The following TP63 variants were observed in gnomAD, a reference collection of about 807,000 sequenced individuals.
TP63 encodes the protein tumor protein 63.
In TP63, 17 loss-of-function variants were observed where a neutral mutation model predicts 82.8. That is an observed-to-expected ratio of 0.21 (90% CI 0.14 to 0.31). The LOEUF (loss-of-function observed/expected upper bound fraction) is 0.31. Ranked by LOEUF, TP63 falls within the 10% of genes least tolerant of loss-of-function variation. The pLI, the probability that TP63 is intolerant of heterozygous loss-of-function variation, is 1.00. For synonymous variants in TP63, 330 were observed against 321.7 expected, an observed-to-expected ratio of 1.03 and a Z score of -0.28; for missense variants, 648 against 895.3, an observed-to-expected ratio of 0.72 and a Z score of 3.52.
intron 1 of TP63, among the ~76,000 whole-genome samples, chr3:189,660,678 T>C (rs1168534886): frequency 6.6e-6 from 1 of 152,150 alleles, no homozygotes; most frequent in Non-Finnish European, 1.5e-5. Flanking sequence ...ACAATATTGA[T>C]TCTTCCAATC....
intron 11 of TP63, 79 bp from the exon 12 acceptor site, chr3:189,889,261 A>C: frequency 6.2e-7 from 1 of 1,606,564 alleles, no homozygotes; most frequent in Non-Finnish European, 8.5e-7. Flanking sequence ...GATAAAATTT[A>C]ACCAGACAAG....
At chr3:189,672,650 GAGGAAGGAAGGAAAGAAGGAAGGA>G (rs1234874141) in intron 1 of TP63, among the ~76,000 whole-genome samples, 54 of 103,148 alleles carry the variant, frequency 5.2e-4, no homozygotes, top group African/African-American at 1.9e-3. Context: ...GGGAGGGAGG[GAGGAAGGAAGGAAAGAAGGAAGGA>G]AGGAAGGAAG....
intron 1 of TP63, among the ~76,000 whole-genome samples, chr3:189,663,996 G>T (rs10155001): frequency 0.44 from 66,868 of 151,958 alleles, 16,101 homozygotes; most frequent in Middle Eastern, 0.69. Flanking sequence ...GTGCTTTAGC[G>T]TAATTAACTT....
chr3:189,886,389 C>G lies in TP63; in HGVS notation c.1350-5C>G. On this transcript the variant is annotated splice_region_variant and splice_polypyrimidine_tract_variant and intron_variant, in intron 10 of 13. Transcript: ENST00000264731. ...TCACCATTATTTCCATGTTTGTCTT[C>G]CTAGGACCTCAATACAGTCTCCATC... is the stretch of plus-strand genomic sequence containing the variant. 6.2e-7 allele frequency: 1 copy of G among 1,613,862 alleles called. No homozygotes were observed. Among genetic ancestry groups the G allele is most frequent in the South Asian group, 1.1e-5 (1 of 91,050 alleles).
At chr3:189,664,167 C>CT (rs1475511555) in intron 1 of TP63, among the ~76,000 whole-genome samples, 10 of 152,052 alleles carry the variant, frequency 6.6e-5, no homozygotes, top group Non-Finnish European at 1.3e-4. Flanking sequence ...CAAGCCCTGC[C>CT]TTTAAAGGGT....
At chr3:189,864,642 A>G (rs1419270591) in intron 5 of TP63, among the ~76,000 whole-genome samples, 1 of 146,462 alleles carries the variant, frequency 6.8e-6, no homozygotes, top group Non-Finnish European at 1.5e-5. Context: ...ATTAGTAATT[A>G]CTAGATGACC....
intron 10 of TP63, chr3:189,873,527 G>A: frequency 5.7e-6 from 1 of 174,652 alleles, no homozygotes; most frequent in East Asian, 1.4e-4. Flanking sequence ...GAAATATCTG[G>A]GTGCAGAAGG....
rs974391083 is a variant in TP63 at position 189,667,172 on chromosome 3, T to A, written c.62+35595T>A. On this transcript the variant is annotated intron_variant, in intron 1 of 13. Transcript: ENST00000264731. ...GAAGCTAAGGCAGAAGTTAGAATTT[T>A]TTTTTTTTTTTTTTTTTGAGACGGA... Among the ~76,000 whole-genome samples, 72 of 145,432 alleles carry A rather than the reference T, an allele frequency of 5.0e-4. No homozygotes were observed. In the East Asian group the frequency reaches 0.011, roughly 22 times the overall value.
At chr3:189,723,695 CAG>C (rs956473631) in intron 1 of TP63, among the ~76,000 whole-genome samples, 1 of 152,132 alleles carries the variant, frequency 6.6e-6, no homozygotes, top group Non-Finnish European at 1.5e-5. Context: ...TAATTCTGAT[CAG>C]AGAGGAACAA....
intron 3 of TP63, among the ~76,000 whole-genome samples, chr3:189,765,168 C>T (rs1449909173): frequency 6.6e-6 from 1 of 151,736 alleles, no homozygotes; most frequent in Non-Finnish European, 1.5e-5. Flanking sequence ...TAGCAATAAG[C>T]CTGTTTAGGA....
At chr3:189,707,041 G>C (rs1467868592) in intron 1 of TP63, among the ~76,000 whole-genome samples, 1 of 152,114 alleles carries the variant, frequency 6.6e-6, no homozygotes, top group Non-Finnish European at 1.5e-5. Context: ...TGTATATACA[G>C]ATGAAGCATT....
intron 1 of TP63, among the ~76,000 whole-genome samples, chr3:189,669,607 C>T (rs892122178): frequency 6.6e-6 from 1 of 151,870 alleles, no homozygotes; most frequent in African/African-American, 2.4e-5. Context: ...AAAGGGAAGA[C>T]AAGGAAAATA....
chr3:189,680,572 A>G (rs1370636343), intron 1 of TP63, among the ~76,000 whole-genome samples: 2 of 152,232 alleles, frequency 1.3e-5, no homozygotes, highest in Admixed American at 1.3e-4. Context: ...ACACATTAAA[A>G]GCATCATACA....
intron 1 of TP63, among the ~76,000 whole-genome samples, chr3:189,714,531 T>C (rs949755904): frequency 2.6e-5 from 4 of 152,186 alleles, no homozygotes; most frequent in Non-Finnish European, 5.9e-5. Context: ...AGAAGTTTCT[T>C]TTCTGTCCAT....
intron 5 of TP63, among the ~76,000 whole-genome samples, chr3:189,866,247 T>C (rs1183852727): frequency 1.3e-5 from 2 of 152,232 alleles, no homozygotes; most frequent in Admixed American, 1.3e-4. Context: ...ATCCTTGCTA[T>C]CTTCTGCTTC....
At chr3:189,815,185 A>AT (rs72287902) in intron 4 of TP63, among the ~76,000 whole-genome samples, 3,912 of 149,474 alleles carry the variant, frequency 0.026, 168 homozygotes, top group African/African-American at 0.08. Context: ...ATCTTTCTTT[A>AT]TTTTTTTTTA....
intron 1 of TP63, among the ~76,000 whole-genome samples, chr3:189,677,623 T>C (rs555264625): frequency 4.0e-5 from 6 of 151,880 alleles, no homozygotes; most frequent in African/African-American, 1.4e-4. Context: ...AGTAGTGGGG[T>C]TACTGGATTT....
intron 9 of TP63, among the ~76,000 whole-genome samples, chr3:189,871,589 TG>T (rs1376535004): frequency 6.6e-6 from 1 of 152,198 alleles, no homozygotes; most frequent in East Asian, 1.9e-4. Flanking sequence ...TCCTACTGGG[TG>T]CAGCAACTGG....
chr3:189,737,997 C>T, intron 2 of TP63, 129 bp downstream of exon 2: 1 of 1,062,456 alleles, frequency 9.4e-7, no homozygotes, highest in East Asian at 2.6e-5. Flanking sequence ...GTTAATGACT[C>T]CAATGCCATC....
Sources: gnomAD v4.1 joint callset for allele counts (sites outside exome capture counted in the v4.1 genomes callset) on GRCh38, gnomAD v4.1.1 for gene constraint, MANE v1.5 for transcripts, NCBI Gene and HGNC (gene_info 2026-07-23, HGNC 2026-07-21) for gene names.